CDK5RAP2: variants seen among roughly 807,000 people sequenced by gnomAD.
CDK5RAP2 encodes CDK5 regulatory subunit-associated protein 2.
In CDK5RAP2, 147 loss-of-function variants were observed where a neutral mutation model predicts 232.9. The observed-to-expected ratio is 0.63, with a 90% CI of 0.55 to 0.72. The LOEUF (loss-of-function observed/expected upper bound fraction) is 0.72. Among genes scored for constraint, CDK5RAP2 ranks in the 30% least tolerant of loss-of-function variants. CDK5RAP2 has a pLI of 0.00. For missense variants in CDK5RAP2, 2,195 were observed against 2,231.5 expected (o/e 0.98, Z 0.33); for synonymous variants, 833 against 833.7 (o/e 1.00, Z 0.01).
intron 10 of CDK5RAP2, among the ~76,000 whole-genome samples, chr9:120,527,212 T>A (rs1329638203): frequency 1.3e-5 from 2 of 152,158 alleles, no homozygotes; most frequent in African/African-American, 2.4e-5. Flanking sequence ...AAGGCAACCA[T>A]CAGCTACCAC....
chr9:120,556,949 C>T (rs952504188), intron 3 of CDK5RAP2, among the ~76,000 whole-genome samples: 3 of 152,152 alleles, frequency 2.0e-5, no homozygotes, highest in African/African-American at 7.2e-5. Flanking sequence ...ACTACCCCGC[C>T]AGATGCTTCC....
chr9:120,537,691 TAA>T (rs773858392), intron 6 of CDK5RAP2, among the ~76,000 whole-genome samples: 30 of 135,632 alleles, frequency 2.2e-4, no homozygotes, highest in Non-Finnish European at 1.4e-4. Flanking sequence ...ATCATCTGTT[TAA>T]AAAAAAAAAA....
At chr9:120,446,000 C>T (rs2036166786) in intron 22 of CDK5RAP2, among the ~76,000 whole-genome samples, 1 of 152,150 alleles carries the variant, frequency 6.6e-6, no homozygotes. Context: ...ATGACAACTC[C>T]ATCCTTCCAA....
In CDK5RAP2 at chr9:120,419,757, T is replaced by C. The variant is rs967949215; in HGVS notation, c.4177+31A>G. The C allele has an allele frequency of 9.0e-6, 14 of 1,548,282 alleles. No individual in the cohort carries two copies. The African/African-American group carries it at 1.2e-4, about 14-fold the overall frequency. On this transcript the variant is annotated intron_variant, in intron 27 of 37. Coordinates refer to ENST00000349780, the MANE Select transcript of CDK5RAP2 (RefSeq NM_018249.6). The stretch of plus-strand genomic sequence containing the variant: ...GCAAATTATTGTTTTAATCAGGCCA[T>C]GTTTAAAACACTTAATGAGGCTTAG...
At chr9:120,485,389 G>A (rs779582550) in intron 14 of CDK5RAP2, among the ~76,000 whole-genome samples, 9 of 150,876 alleles carry the variant, frequency 6.0e-5, no homozygotes, top group Non-Finnish European at 1.3e-4. Context: ...CCGCCTCCGG[G>A]GTTCAAGCAA....
At chr9:120,390,087 G>A (rs374850599) in intron 36 of CDK5RAP2, 12 of 360,076 alleles carry the variant, frequency 3.3e-5, no homozygotes, top group African/African-American at 2.3e-4. Flanking sequence ...GCTGTGCACG[G>A]CCACCTGGCT....
chr9:120,437,143 G>C (rs984283480), intron 25 of CDK5RAP2, 152 bp downstream of exon 25: 5 of 689,358 alleles, frequency 7.3e-6, no homozygotes, highest in African/African-American at 7.1e-5. Context: ...TCACTGGGAG[G>C]AAGCAGCAGC....
At chr9:120,457,675 CT>C (rs1174453302) in intron 20 of CDK5RAP2, among the ~76,000 whole-genome samples, 7 of 152,230 alleles carry the variant, frequency 4.6e-5, no homozygotes, top group African/African-American at 1.7e-4. Flanking sequence ...GTTCCTGGCT[CT>C]TATCAAGAGT....
At chr9:120,548,307 GATATA>G (rs1229713909) in intron 4 of CDK5RAP2, among the ~76,000 whole-genome samples, 10 of 152,158 alleles carry the variant, frequency 6.6e-5, no homozygotes, top group Non-Finnish European at 1.3e-4. Context: ...TTTATGAACT[GATATA>G]ATATACTCTA....
At chr9:120,442,791 A>G (rs1240243836) in intron 23 of CDK5RAP2, among the ~76,000 whole-genome samples, 1 of 152,190 alleles carries the variant, frequency 6.6e-6, no homozygotes, top group Non-Finnish European at 1.5e-5. Context: ...CCATGTGTTC[A>G]CTGCAGTGAC....
In CDK5RAP2 at chr9:120,502,449, A is replaced by G. The variant is rs527860866; in HGVS notation, c.1312-10972T>C. Among the ~76,000 whole-genome samples the G allele has an allele frequency of 1.1e-4, 17 of 152,332 alleles. 1 individual carries two copies. The South Asian group carries it at 3.5e-3, about 32-fold the overall frequency. On this transcript the variant is annotated intron_variant, in intron 12 of 37. Transcript: ENST00000349780. ...TGATGTCTGGTTCAAGTTCCAGTGT[A>G]TGTATGTGTATTCAGCAACCATTTA...
At chr9:120,527,523 T>TAC (rs1172080921) in intron 10 of CDK5RAP2, among the ~76,000 whole-genome samples, 2 of 151,240 alleles carry the variant, frequency 1.3e-5, no homozygotes, top group Non-Finnish European at 3.0e-5. Flanking sequence ...GGGGGGGATA[T>TAC]ATATATAATT....
At chr9:120,567,543 T>C (rs1051625437) in intron 3 of CDK5RAP2, among the ~76,000 whole-genome samples, 7 of 152,190 alleles carry the variant, frequency 4.6e-5, no homozygotes, top group African/African-American at 1.7e-4. Flanking sequence ...AGGTAACTTG[T>C]TAAAGAGAAC....
intron 5 of CDK5RAP2, among the ~76,000 whole-genome samples, chr9:120,542,554 G>T (rs986035224): frequency 2.0e-5 from 3 of 150,730 alleles, no homozygotes; most frequent in African/African-American, 7.3e-5. Context: ...TACTGTCATT[G>T]AACAGATACA....
At chr9:120,491,959 A>G (rs1476399071) in intron 12 of CDK5RAP2, among the ~76,000 whole-genome samples, 2 of 152,058 alleles carry the variant, frequency 1.3e-5, no homozygotes, top group Non-Finnish European at 1.5e-5. Context: ...TTTTTTACTT[A>G]TTTTTCTAAG....
At chr9:120,577,347 C>T (rs1238134381) in intron 1 of CDK5RAP2, among the ~76,000 whole-genome samples, 1 of 128,128 alleles carries the variant, frequency 7.8e-6, no homozygotes, top group Non-Finnish European at 1.6e-5. Context: ...GGCAACAAAG[C>T]GAGACCCTGT....
At chr9:120,507,553 C>T (rs912311443) in intron 12 of CDK5RAP2, among the ~76,000 whole-genome samples, 14 of 152,168 alleles carry the variant, frequency 9.2e-5, no homozygotes, top group African/African-American at 3.1e-4. Flanking sequence ...GTTCTTGGGC[C>T]TTCCTCTAGA....
chr9:120,529,513 G>T (rs2041052374), intron 8 of CDK5RAP2, among the ~76,000 whole-genome samples: 1 of 152,196 alleles, frequency 6.6e-6, no homozygotes, highest in Non-Finnish European at 1.5e-5. Flanking sequence ...TGGCTGGGAG[G>T]ATTGAACGAG....
chr9:120,546,452 A>T (rs901596401), intron 4 of CDK5RAP2, among the ~76,000 whole-genome samples: 1 of 152,192 alleles, frequency 6.6e-6, no homozygotes, highest in Admixed American at 6.5e-5. Context: ...AATCCAGGGC[A>T]AATGGAATTC....
Sources: gnomAD v4.1 joint callset for allele counts (sites outside exome capture counted in the v4.1 genomes callset) on GRCh38, gnomAD v4.1.1 for gene constraint, MANE v1.5 for transcripts, NCBI Gene and HGNC (gene_info 2026-07-23, HGNC 2026-07-21) for gene names.